Variants in STK39 observed in about 807,000 individuals in gnomAD.
STK39 encodes the protein serine/threonine kinase 39.
In STK39, 20 loss-of-function variants were observed where a neutral mutation model predicts 77.8. That is an observed-to-expected ratio of 0.26 (90% CI 0.18 to 0.37). The LOEUF is 0.37. Among genes scored for constraint, STK39 ranks in the 10% least tolerant of loss-of-function variants. The pLI is 1.00. For missense variants in STK39, 479 were observed against 656.5 expected, an observed-to-expected ratio of 0.73 and a Z score of 2.95; for synonymous variants, 246 against 234.1, an observed-to-expected ratio of 1.05 and a Z score of -0.47.
chr2:168,014,866 C>T (rs1684366564), intron 15 of STK39, among the ~76,000 whole-genome samples: 1 of 152,178 alleles, frequency 6.6e-6, no homozygotes, highest in Admixed American at 6.5e-5. Flanking sequence ...ATCAAAGCTG[C>T]ACTGAGGGAT....
chr2:168,085,681 G>C (rs551437805), intron 10 of STK39, among the ~76,000 whole-genome samples: 4 of 152,188 alleles, frequency 2.6e-5, no homozygotes, highest in Non-Finnish European at 5.9e-5. Flanking sequence ...CCAGAGCGTA[G>C]ATAGATAGCA....
rs5836174 is a variant in STK39 at position 168,162,286 on chromosome 2, C to CAAA, written c.573-447_573-445dup. On this transcript the variant is annotated intron_variant, in intron 4 of 17. Coordinates refer to ENST00000355999, the MANE Select transcript of STK39 (RefSeq NM_013233.3). ...GGGCAACAAGAGTGAAACTTGGTCT[C>CAAA]AAAAAAAAAAAAAAAAAAAAAAAAA... 5.8e-5 allele frequency among the ~76,000 whole-genome samples: 5 copies of CAAA among 85,704 alleles called. 1 individual carries two copies. The highest frequency in any genetic ancestry group is 9.6e-5 in the Non-Finnish European group (4 of 41,568). 56.2% of individuals were successfully genotyped at this position (85,704 alleles called of 152,430 possible).
At chr2:168,090,299 A>G (rs1456641154) in intron 10 of STK39, among the ~76,000 whole-genome samples, 1 of 152,062 alleles carries the variant, frequency 6.6e-6, no homozygotes, top group Non-Finnish European at 1.5e-5. Flanking sequence ...TGTTGAATGA[A>G]TGAATGAATG....
chr2:167,995,484 A>G (rs1382641596), intron 16 of STK39, among the ~76,000 whole-genome samples: 14 of 152,192 alleles, frequency 9.2e-5, no homozygotes, highest in Non-Finnish European at 1.5e-4. Context: ...CAAAATTCCA[A>G]TACAGTATTT....
At chr2:167,984,475 C>T (rs996432406) in intron 16 of STK39, among the ~76,000 whole-genome samples, 2 of 152,152 alleles carry the variant, frequency 1.3e-5, no homozygotes, top group Non-Finnish European at 2.9e-5. Flanking sequence ...TGCACTGAAG[C>T]GGTCCAGCAT....
chr2:168,219,179 G>A (rs950989186), intron 1 of STK39, among the ~76,000 whole-genome samples: 6 of 151,804 alleles, frequency 4.0e-5, no homozygotes, highest in African/African-American at 1.5e-4. Context: ...CCAGCTACTC[G>A]GGAGGCTGAG....
At chr2:168,071,685 C>T (rs1480215442) in intron 12 of STK39, among the ~76,000 whole-genome samples, 7 of 151,766 alleles carry the variant, frequency 4.6e-5, no homozygotes, top group Non-Finnish European at 8.8e-5. Flanking sequence ...ATCGAGACCA[C>T]GGTGAAACCC....
intron 7 of STK39, among the ~76,000 whole-genome samples, chr2:168,139,000 C>G (rs1015692360): frequency 2.6e-5 from 4 of 152,136 alleles, no homozygotes; most frequent in African/African-American, 9.7e-5. Context: ...ATAATTCAGC[C>G]TTAATTTATG....
intron 10 of STK39, among the ~76,000 whole-genome samples, chr2:168,094,771 C>T (rs1347052545): frequency 6.6e-6 from 1 of 152,138 alleles, no homozygotes; most frequent in Non-Finnish European, 1.5e-5. Context: ...TATTACATGG[C>T]TTCCACAATC....
At chr2:168,061,007 T>C (rs1574430485) in intron 14 of STK39, among the ~76,000 whole-genome samples, 1 of 152,236 alleles carries the variant, frequency 6.6e-6, no homozygotes, top group African/African-American at 2.4e-5. Flanking sequence ...CTGATGGTGA[T>C]GATTGAAACA....
chr2:168,020,844 A>G (rs1684552485), intron 14 of STK39, among the ~76,000 whole-genome samples: 1 of 152,162 alleles, frequency 6.6e-6, no homozygotes, highest in Admixed American at 6.5e-5. Context: ...GGTACCAAAT[A>G]CAAACAGAAA....
chr2:168,247,353 G>C lies in STK39; in HGVS notation c.83C>G (p.Pro28Arg). 9.5e-7 allele frequency: 1 copy of C among 1,057,452 alleles called. No individual in the cohort carries two copies. Among genetic ancestry groups the C allele is most frequent in the East Asian group, 5.8e-5 (1 of 17,110 alleles). 65.5% of individuals were successfully genotyped at this position (1,057,452 alleles called of 1,614,324 possible). Residue 28 changes from proline to arginine, a missense_variant, in exon 1 of 18, where the codon CCG (proline) becomes CGG (arginine). Pro to Arg is a moderately radical substitution (Grantham distance 103). This residue lies in a region of STK39 where 96 missense variants were observed against 79.1 expected (regional missense o/e 1.21). Transcript: ENST00000355999. Reference sequence around the variant, plus strand: ...GGCCGGCGCTGCTGTCGCGGCCGCCGGGGCCGCCGCCGCCGCCGCTGTCAC... The same window carrying C: ...GGCCGGCGCTGCTGTCGCGGCCGCCCGGGCCGCCGCCGCCGCCGCTGTCAC... ...APVTAAAAAA[P>R]AAATAAPAPA... is the part of the protein sequence containing the mutation.
intron 17 of STK39, among the ~76,000 whole-genome samples, chr2:167,957,615 C>A (rs1159835338): frequency 2.0e-5 from 3 of 152,184 alleles, no homozygotes; most frequent in African/African-American, 7.2e-5. Context: ...AACTGACAAA[C>A]ATCCAAAGAC....
intron 14 of STK39, among the ~76,000 whole-genome samples, chr2:168,032,884 CTTTAA>C (rs1168170044): frequency 1.3e-5 from 2 of 152,212 alleles, no homozygotes; most frequent in African/African-American, 4.8e-5. Context: ...TCTCTGTCAA[CTTTAA>C]TTTAAGAAAA....
At chr2:168,008,452 G>T (rs1427701172) in intron 16 of STK39, among the ~76,000 whole-genome samples, 1 of 152,288 alleles carries the variant, frequency 6.6e-6, no homozygotes, top group South Asian at 2.1e-4. Context: ...TTCCTGGAGG[G>T]GCAGGCTGGG....
chr2:168,028,253 T>A (rs962008460), intron 14 of STK39, among the ~76,000 whole-genome samples: 2 of 152,198 alleles, frequency 1.3e-5, no homozygotes, highest in African/African-American at 4.8e-5. Flanking sequence ...TCCAGAATTT[T>A]AAAAATGGTA....
chr2:167,984,858 T>C, intron 16 of STK39, among the ~76,000 whole-genome samples: 1 of 152,304 alleles, frequency 6.6e-6, no homozygotes, highest in East Asian at 1.9e-4. Context: ...CAAATTAACT[T>C]TTAAAATACA....
chr2:168,051,527 A>C (rs1685394833), intron 14 of STK39, among the ~76,000 whole-genome samples: 1 of 152,196 alleles, frequency 6.6e-6, no homozygotes, highest in Non-Finnish European at 1.5e-5. Context: ...CCCAAAACAT[A>C]ACCAAACAAT....
chr2:168,066,839 C>G (rs1308449607), intron 12 of STK39, among the ~76,000 whole-genome samples: 2 of 152,178 alleles, frequency 1.3e-5, no homozygotes, highest in Non-Finnish European at 2.9e-5. Context: ...ATGGTAATTC[C>G]TCAGAAAATG....
Sources: gnomAD v4.1 joint callset for allele counts (sites outside exome capture counted in the v4.1 genomes callset) on GRCh38, gnomAD v4.1.1 for gene constraint, gnomAD v4.1.1 regional missense constraint, MANE v1.5 for transcripts, NCBI Gene and HGNC (gene_info 2026-07-23, HGNC 2026-07-21) for gene names.